Variants in IQSEC3 observed in about 807,000 individuals in gnomAD.
IQSEC3 encodes the protein IQ motif and Sec7 domain ArfGEF 3, also known as IQ motif and SEC7 domain-containing protein 3.
IQSEC3 carries 50 observed loss-of-function variants against 105.4 expected under a neutral mutation model. That is an observed-to-expected ratio of 0.47 (90% CI 0.38 to 0.60). The LOEUF (loss-of-function observed/expected upper bound fraction) is 0.60, where lower values mean the gene tolerates loss of function less well. Ranked by LOEUF, IQSEC3 falls within the 20% of genes least tolerant of loss-of-function variation. The pLI is 0.00. For missense variants in IQSEC3, 1,415 were observed against 1,630.0 expected (o/e 0.87, Z 2.27); for synonymous variants, 708 against 746.0 (o/e 0.95, Z 0.83).
rs1865838895 is a variant in IQSEC3, at chr12:138,006, G to C, written c.904-261G>C. On this transcript the variant is annotated intron_variant, in intron 3 of 13. Coordinates refer to ENST00000538872, the MANE Select transcript of IQSEC3 (RefSeq NM_001170738.2). The surrounding 1 kb of genome is among the most constrained non-coding windows in gnomAD (Gnocchi z 7.1). ...CCCGCCACAGCATCGATATCTGAAC[G>C]CCATATGCAGCACCTCCCTCCTGGC... Among the ~76,000 whole-genome samples, 1 of 151,980 alleles carries C rather than the reference G, an allele frequency of 6.6e-6. No homozygotes were observed. The highest frequency in any genetic ancestry group is 2.1e-4 in the South Asian group (1 of 4,822).
chr12:154,477 A>C (rs1866616244), intron 5 of IQSEC3, among the ~76,000 whole-genome samples: 1 of 152,148 alleles, frequency 6.6e-6, no homozygotes, highest in African/African-American at 2.4e-5. Flanking sequence ...CTCAGCGTTC[A>C]GAAACAGGGA....
rs1214718793 is a variant in IQSEC3 at position 161,981 on chromosome 12, G to A, written c.2499G>A (p.Arg833=). 1.2e-6 allele frequency: 2 copies of A among 1,613,616 alleles called. No individual in the cohort carries two copies. Among genetic ancestry groups the A allele is most frequent in the East Asian group, 2.2e-5 (1 of 44,882 alleles). ...PRELVVGIYE[R]IQQKELKSNE... ...AGCTGGTGGTAGGCATCTATGAGAG[G>A]ATACAGCAGAAGGAGCTCAAGTCCA... Residue 833 remains arginine, a synonymous_variant, in exon 8 of 14, where the codon AGG becomes AGA. Transcript: ENST00000538872.
chr12:88,491 C>G (rs1863986016), intron 1 of IQSEC3, among the ~76,000 whole-genome samples: 1 of 152,132 alleles, frequency 6.6e-6, no homozygotes, highest in African/African-American at 2.4e-5. Flanking sequence ...CAAAGCTCCC[C>G]CAAAGAAAAG....
chr12:128,668 T>A (rs1865494948), intron 3 of IQSEC3, among the ~76,000 whole-genome samples: 1 of 152,060 alleles, frequency 6.6e-6, no homozygotes, highest in African/African-American at 2.4e-5. Flanking sequence ...TCTTAACAGT[T>A]CCCGAATCCC....
intron 2 of IQSEC3, among the ~76,000 whole-genome samples, chr12:105,379 G>A (rs1030251092): frequency 1.3e-5 from 2 of 152,198 alleles, no homozygotes; most frequent in East Asian, 3.9e-4. Flanking sequence ...CTCTGGGGTG[G>A]GACAGAGTGG....
At chr12:155,779 T>C (rs966454241) in intron 5 of IQSEC3, among the ~76,000 whole-genome samples, 5 of 151,986 alleles carry the variant, frequency 3.3e-5, no homozygotes, top group Non-Finnish European at 5.9e-5. Context: ...CAGGGGACCA[T>C]GGGAGCAGAG....
Position 139,254 on chromosome 12 carries a change from C to T in IQSEC3, c.1891C>T (p.Arg631Cys). 1 of 1,609,638 alleles carries T rather than the reference C, an allele frequency of 6.2e-7. No homozygotes were observed. The highest frequency in any genetic ancestry group is 8.5e-7 in the Non-Finnish European group (1 of 1,178,542). The stretch of plus-strand genomic sequence containing the variant: ...GCAGGCCATGATCCTGAGCCTGCCG[C>T]GCTACCACTGCGAGAACCCAGCCAG... Reference protein sequence around the residue: ...ALQAMILSLPRYHCENPASCK... With the variant: ...ALQAMILSLPCYHCENPASCK... The change falls in exon 4 of 14, where the codon CGC becomes TGC. Residue 631 changes from arginine (R) to cysteine (C), a missense_variant. Transcript: ENST00000538872.
chr12:127,594 A>T (rs527953425), intron 3 of IQSEC3, among the ~76,000 whole-genome samples: 1 of 152,258 alleles, frequency 6.6e-6, no homozygotes, highest in East Asian at 1.9e-4. Context: ...AGTCGGATGA[A>T]ATGTGGAAAA....
chr12:157,521 C>G lies in IQSEC3; in HGVS notation c.2277-7C>G. The G allele has an allele frequency of 5.6e-6, 9 of 1,608,360 alleles. No individual in the cohort carries two copies. Among genetic ancestry groups the G allele is most frequent in the Non-Finnish European group, 5.9e-6 (7 of 1,176,768 alleles). On this transcript the variant is annotated splice_polypyrimidine_tract_variant and splice_region_variant and intron_variant, in intron 6 of 13. Transcript: ENST00000538872. ...CAGCGTCCGCTCTGCATCTGACCCC[C>G]CCACAGCCAGCGCTACTGCATGTGC...
At chr12:130,940 TCTTGGATGGGAACAAACC>T (rs1446399182) in intron 3 of IQSEC3, among the ~76,000 whole-genome samples, 3 of 148,154 alleles carry the variant, frequency 2.0e-5, no homozygotes, top group African/African-American at 7.5e-5. Context: ...AACTGGGAAG[TCTTGGATGGGAACAAACC>T]CTTGGAAGCC....
intron 2 of IQSEC3, among the ~76,000 whole-genome samples, chr12:118,202 G>A (rs1555081077): frequency 6.6e-6 from 1 of 152,158 alleles, no homozygotes; most frequent in African/African-American, 2.4e-5. Context: ...ACCACCTTGG[G>A]CAGGACCTTC....
At chr12:95,227 C>A (rs1325744197) in intron 1 of IQSEC3, among the ~76,000 whole-genome samples, 1 of 152,320 alleles carries the variant, frequency 6.6e-6, no homozygotes, top group East Asian at 1.9e-4. Context: ...CTCCACTCAG[C>A]CTCAGTTTTC....
At chr12:140,027 G>A (rs367605290) in intron 4 of IQSEC3, among the ~76,000 whole-genome samples, 1 of 152,114 alleles carries the variant, frequency 6.6e-6, no homozygotes, top group African/African-American at 2.4e-5. Context: ...GAAATGTCAG[G>A]TCCAGGAGGC....
At chr12:107,576 AT>A (rs1296923131) in intron 2 of IQSEC3, among the ~76,000 whole-genome samples, 18 of 150,878 alleles carry the variant, frequency 1.2e-4, no homozygotes, top group East Asian at 3.9e-4. Flanking sequence ...TGCCCGGCTA[AT>A]TTTTTTGTAT....
intron 1 of IQSEC3, among the ~76,000 whole-genome samples, chr12:96,147 G>C (rs906169374): frequency 3.1e-4 from 47 of 152,300 alleles, no homozygotes; most frequent in African/African-American, 9.9e-4. Context: ...GAACCAAGGT[G>C]CACATTGGTT....
intron 7 of IQSEC3, among the ~76,000 whole-genome samples, chr12:159,428 T>C (rs6489275): frequency 0.23 from 35,656 of 152,190 alleles, 7,003 homozygotes; most frequent in African/African-American, 0.53. Flanking sequence ...TAGTTTACTT[T>C]CAGAGAAAAG....
intron 4 of IQSEC3, 86 bp downstream of exon 4, chr12:139,440 G>C (rs1865927540): frequency 1.7e-6 from 2 of 1,192,858 alleles, no homozygotes; most frequent in East Asian, 5.3e-5. Flanking sequence ...CACCAAGCAG[G>C]GCGCCAGGTA....
intron 2 of IQSEC3, among the ~76,000 whole-genome samples, chr12:102,729 A>G (rs987810742): frequency 6.6e-6 from 1 of 152,250 alleles, no homozygotes; most frequent in Admixed American, 6.5e-5. Flanking sequence ...CCGGACAGGG[A>G]GTGATTCTCC....
chr12:109,430 C>T (rs1267346806), intron 2 of IQSEC3, among the ~76,000 whole-genome samples: 2 of 152,178 alleles, frequency 1.3e-5, no homozygotes, highest in Non-Finnish European at 2.9e-5. Flanking sequence ...GACGGCTGCC[C>T]CTGGTGGACT....
Sources: allele counts gnomAD v4.1 joint callset (sites outside exome capture counted in the v4.1 genomes callset), GRCh38; gene constraint gnomAD v4.1.1; non-coding constraint Gnocchi (gnomAD v3.1); transcripts MANE v1.5; gene names NCBI Gene and HGNC (gene_info 2026-07-23, HGNC 2026-07-21).